The following AGMO variants were observed in gnomAD, a reference collection of about 807,000 sequenced individuals.
The protein encoded by AGMO is glyceryl-ether monooxygenase.
AGMO carries 75 observed loss-of-function variants against 60.2 expected under a neutral mutation model. The ratio of observed to expected loss-of-function variants is 1.25; its 90% CI spans 1.03 to 1.51. The LOEUF is 1.51. Ranked by LOEUF, AGMO falls within the 40% of genes most tolerant of loss-of-function variation. AGMO has a pLI of 0.00. For missense variants in AGMO, 763 were observed against 525.5 expected (o/e 1.45, Z -4.42); for synonymous variants, 261 against 177.1 (o/e 1.47, Z -3.76).
intron 12 of AGMO, among the ~76,000 whole-genome samples, chr7:15,210,059 C>T (rs1439156138): frequency 6.6e-6 from 1 of 151,830 alleles, no homozygotes; most frequent in Non-Finnish European, 1.5e-5. Flanking sequence ...ATTATTAAAA[C>T]AAAGATTGTG....
chr7:15,398,326 G>A (rs778861979), intron 5 of AGMO, among the ~76,000 whole-genome samples: 2 of 152,072 alleles, frequency 1.3e-5, no homozygotes, highest in African/African-American at 2.4e-5. Flanking sequence ...TGCTCCTGCA[G>A]GCTAAAGCAC....
chr7:15,328,122 CA>C (rs1781401869), intron 12 of AGMO, among the ~76,000 whole-genome samples: 1 of 150,754 alleles, frequency 6.6e-6, no homozygotes, highest in African/African-American at 2.4e-5. Flanking sequence ...ATTTTTTTTC[CA>C]AAGTCTCACT....
intron 3 of AGMO, among the ~76,000 whole-genome samples, chr7:15,477,797 A>G (rs969565836): frequency 6.6e-6 from 1 of 152,130 alleles, no homozygotes; most frequent in Non-Finnish European, 1.5e-5. Flanking sequence ...CTGTTATAAA[A>G]TTGGTTTCTC....
chr7:15,153,821 G>A, the AGMO span, among the ~76,000 whole-genome samples: 1 of 152,072 alleles, frequency 6.6e-6, no homozygotes, highest in Non-Finnish European at 1.5e-5. Context: ...GGCTATGCAA[G>A]CTATTTTTTG....
At chr7:15,160,251 T>C in the AGMO span, among the ~76,000 whole-genome samples, 15 of 152,156 alleles carry the variant, frequency 9.9e-5, no homozygotes, top group Admixed American at 9.8e-4. Context: ...TTCTTCTTCA[T>C]ATACCACACA....
At chr7:15,232,885 CAACAGCAAGTAGG>C (rs1782300337) in intron 12 of AGMO, among the ~76,000 whole-genome samples, 1 of 150,880 alleles carries the variant, frequency 6.6e-6, no homozygotes, top group South Asian at 2.1e-4. Flanking sequence ...ATAGTCCTAG[CAACAGCAAGTAGG>C]AGGAAAGGAA....
chr7:15,394,652 T>G (rs1017655271), intron 5 of AGMO, among the ~76,000 whole-genome samples: 2 of 152,230 alleles, frequency 1.3e-5, no homozygotes, highest in Admixed American at 6.5e-5. Flanking sequence ...TAGCTTTATT[T>G]ACGGGAGCAG....
chr7:15,407,816 A>G (rs2128491605), intron 5 of AGMO, among the ~76,000 whole-genome samples: 1 of 151,946 alleles, frequency 6.6e-6, no homozygotes, highest in East Asian at 1.9e-4. Context: ...TGAGAGAGAG[A>G]GTTAAGCAAC....
In AGMO at chr7:15,368,542, T is replaced by C. The variant is rs55799911; in HGVS notation, c.1075-2320A>G. ...TTATTTGACATTTTAAAGCCTCAGCTATGCGTTTGGTACATTTGAAATAAA... is the reference window on the plus strand; with the variant it reads ...TTATTTGACATTTTAAAGCCTCAGCCATGCGTTTGGTACATTTGAAATAAA... On this transcript the variant is annotated intron_variant, in intron 10 of 12. Transcript: ENST00000342526. 3.9e-3 allele frequency among the ~76,000 whole-genome samples: 589 copies of C among 152,276 alleles called. 5 individuals are homozygous for C. Among genetic ancestry groups the C allele is most frequent in the African/African-American group, 0.014 (562 of 41,568 alleles).
chr7:15,232,527 G>C (rs1336002688), intron 12 of AGMO, among the ~76,000 whole-genome samples: 1 of 152,150 alleles, frequency 6.6e-6, no homozygotes, highest in Non-Finnish European at 1.5e-5. Flanking sequence ...TGGACAAGAG[G>C]ATTGGAGAAG....
At chr7:15,492,587 A>G (rs1035008035) in intron 3 of AGMO, among the ~76,000 whole-genome samples, 2 of 145,950 alleles carry the variant, frequency 1.4e-5, no homozygotes, top group East Asian at 2.2e-4. Flanking sequence ...ATGGGTTTGA[A>G]TAACTATATT....
chr7:15,390,336 G>A (rs896691660), intron 8 of AGMO, among the ~76,000 whole-genome samples: 3 of 152,094 alleles, frequency 2.0e-5, no homozygotes, highest in South Asian at 2.1e-4. Context: ...TTCTTACTGC[G>A]GGATCAGCCT....
At chr7:15,348,241 C>T (rs1782105327) in intron 12 of AGMO, among the ~76,000 whole-genome samples, 5 of 152,036 alleles carry the variant, frequency 3.3e-5, no homozygotes, top group Admixed American at 3.3e-4. Flanking sequence ...GACACCTGAA[C>T]TCATTCATCT....
intron 12 of AGMO, among the ~76,000 whole-genome samples, chr7:15,354,709 G>T (rs560073514): frequency 6.7e-6 from 1 of 149,936 alleles, no homozygotes; most frequent in Non-Finnish European, 1.5e-5. Flanking sequence ...TAGAAGTTAA[G>T]AAAGAAGAAG....
the AGMO span, among the ~76,000 whole-genome samples, chr7:15,151,500 G>A: frequency 6.6e-6 from 1 of 151,998 alleles, no homozygotes; most frequent in Non-Finnish European, 1.5e-5. Flanking sequence ...AGAGATTCTG[G>A]TATATTGTAC....
rs1782730729 is a variant in AGMO at position 15,246,033 on chromosome 7, A to C, written c.1264-44674T>G. ...TGGAAAATAAAAGCATTTTCCTTGAATACATCACTGAAGGCTTAAAAAAAA... is the reference window on the plus strand; with the variant it reads ...TGGAAAATAAAAGCATTTTCCTTGACTACATCACTGAAGGCTTAAAAAAAA... On this transcript the variant is annotated intron_variant, in intron 12 of 12. Coordinates refer to ENST00000342526, the MANE Select transcript of AGMO (RefSeq NM_001004320.2). 2.0e-5 allele frequency among the ~76,000 whole-genome samples: 3 copies of C among 151,852 alleles called. No homozygotes were observed. In the South Asian group the frequency reaches 6.2e-4, roughly 31 times the overall value.
At chr7:15,371,911 AAATT>A (rs1315277555) in intron 10 of AGMO, among the ~76,000 whole-genome samples, 1 of 117,372 alleles carries the variant, frequency 8.5e-6, no homozygotes, top group Non-Finnish European at 2.0e-5. Context: ...GTTTAATATT[AAATT>A]ATTAAGTGTT....
chr7:15,333,214 C>T, intron 12 of AGMO, among the ~76,000 whole-genome samples: 1 of 152,116 alleles, frequency 6.6e-6, no homozygotes, highest in Non-Finnish European at 1.5e-5. Flanking sequence ...CAGCAACAAT[C>T]CACTTTTAAA....
chr7:15,126,268 A>G, the AGMO span, among the ~76,000 whole-genome samples: 1 of 152,140 alleles, frequency 6.6e-6, no homozygotes, highest in Admixed American at 6.6e-5. Context: ...TATCTTAGTA[A>G]CATTTTAAAT....
Sources: allele counts gnomAD v4.1 joint callset (sites outside exome capture counted in the v4.1 genomes callset), GRCh38; gene constraint gnomAD v4.1.1; transcripts MANE v1.5; gene names NCBI Gene and HGNC (gene_info 2026-07-23, HGNC 2026-07-21).